The following KRR1 variants were observed in gnomAD, a reference collection of about 807,000 sequenced individuals.
KRR1 encodes KRR1 small subunit processome component, also known as KRR1 small subunit processome component homolog.
KRR1 carries 23 observed loss-of-function variants against 50.0 expected under a neutral mutation model. That is an observed-to-expected ratio of 0.46 (90% CI 0.33 to 0.65). The LOEUF is 0.65. Among genes scored for constraint, KRR1 ranks in the 30% least tolerant of loss-of-function variants. The pLI, the probability that KRR1 is intolerant of heterozygous loss-of-function variation, is 0.02. For missense variants in KRR1, 419 were observed against 442.4 expected (o/e 0.95, Z 0.47); for synonymous variants, 133 against 146.3 (o/e 0.91, Z 0.66).
Position 75,501,984 on chromosome 12 carries a change from G to T in KRR1, c.848C>A (p.Ala283Asp). 1 of 1,611,408 alleles carries T rather than the reference G, an allele frequency of 6.2e-7. No homozygotes were observed. Among genetic ancestry groups the T allele is most frequent in the Non-Finnish European group, 8.5e-7 (1 of 1,178,646 alleles). ...QPESQIDKEL[A>D]SGEYFLKANQ... ...TGCCTTCAAAAAGTATTCACCACTA[G>T]CCAATTCTTTATCGATCTGTTGAAA... The change falls in exon 8 of 10, where the codon GCT becomes GAT. Residue 283 changes from alanine (A) to aspartate (D), a missense_variant. Physicochemically the swap from Ala to Asp is moderately radical, Grantham distance 126. Coordinates refer to ENST00000229214, the MANE Select transcript of KRR1 (RefSeq NM_007043.7).
At chr12:75,501,686 TAATTAATA>T (rs1163775277) in intron 9 of KRR1, 29 bp downstream of exon 9, 4 of 1,350,378 alleles carry the variant, frequency 3.0e-6, no homozygotes, top group Admixed American at 3.8e-5. Flanking sequence ...TTACTTTTCC[TAATTAATA>T]AAGACTTTTA....
At position 75,495,663 on chromosome 12, in the gene KRR1, G is replaced by A; in HGVS notation, c.*4146C>T. On this transcript the variant is annotated 3_prime_UTR_variant, in exon 10 of 10. Transcript: ENST00000229214. ...GACAAGTGTTTGGACAATCTCTGTG[G>A]TGAGTAAAAGGAACAATACACCAAT... The A allele has an allele frequency of 6.4e-7, 1 of 1,566,704 alleles. No homozygotes were observed. The highest frequency in any genetic ancestry group is 8.8e-7 in the Non-Finnish European group (1 of 1,137,196).
chr12:75,505,320 A>C, intron 5 of KRR1, 66 bp from the exon 6 acceptor site: 2 of 1,454,792 alleles, frequency 1.4e-6, no homozygotes, highest in Non-Finnish European at 1.8e-6. Flanking sequence ...AAGAGGATTA[A>C]TACTGCAAAA....
At chr12:75,511,400 CAACT>C (rs1840641206) in intron 1 of KRR1, 109 bp downstream of exon 1, 1 of 930,126 alleles carries the variant, frequency 1.1e-6, no homozygotes, top group Admixed American at 1.9e-5. Flanking sequence ...TTCAGGTACT[CAACT>C]ACACAGTACA....
Position 75,498,634 on chromosome 12 carries a change from A to C in KRR1, c.*1175T>G. 7.4e-7 allele frequency: 1 copy of C among 1,357,020 alleles called. No individual in the cohort carries two copies. Among genetic ancestry groups the C allele is most frequent in the Non-Finnish European group, 1.1e-6 (1 of 949,982 alleles). The allele number at this position is 1,357,020 out of a possible 1,614,324, so 84.1% of individuals were successfully genotyped here. ...ATTATAAGACTTAGCTTTTTAAAAT[A>C]AAACTCTCAACTGTGTCTACCCTTT... is the stretch of plus-strand genomic sequence containing the variant. On this transcript the variant is annotated 3_prime_UTR_variant, in exon 10 of 10. Coordinates refer to ENST00000229214, the MANE Select transcript of KRR1 (RefSeq NM_007043.7).
rs1283224473 is a variant in KRR1 at position 75,493,687 on chromosome 12, C to G, written c.*6122G>C. On this transcript the variant is annotated 3_prime_UTR_variant, in exon 10 of 10. Coordinates refer to ENST00000229214, the MANE Select transcript of KRR1 (RefSeq NM_007043.7). ...TTCCCCTGGGTCCCATAACCCCAACCCTCTTCTCTCTCAGGCTACCAGGGA... is the reference window on the plus strand; with the variant it reads ...TTCCCCTGGGTCCCATAACCCCAACGCTCTTCTCTCTCAGGCTACCAGGGA... 6.6e-6 allele frequency: 1 copy of G among 152,158 alleles called. No individual in the cohort carries two copies. Among genetic ancestry groups the G allele is most frequent in the Non-Finnish European group, 1.5e-5 (1 of 68,068 alleles). The allele number at this position is 152,158 out of a possible 1,614,324, so 9.4% of individuals were successfully genotyped here.
In KRR1 at chr12:75,496,862, A is replaced by C. The variant is rs1008374918; in HGVS notation, c.*2947T>G. ...CATTTAATGTTGAATACTTATCTTT[A>C]CATACAGTCGTACTTTTGCAAAGTT... On this transcript the variant is annotated 3_prime_UTR_variant, in exon 10 of 10. Coordinates refer to ENST00000229214, the MANE Select transcript of KRR1 (RefSeq NM_007043.7). 1.3e-5 allele frequency: 2 copies of C among 152,186 alleles called. No individual in the cohort carries two copies. Among genetic ancestry groups the C allele is most frequent in the Non-Finnish European group, 2.9e-5 (2 of 68,040 alleles). The allele number at this position is 152,186 out of a possible 1,614,324, so 9.4% of individuals were successfully genotyped here.
At position 75,496,274 on chromosome 12, in the gene KRR1, G is replaced by A. The variant is rs1290841909; in HGVS notation, c.*3535C>T. 1 of 152,078 alleles carries A rather than the reference G, an allele frequency of 6.6e-6. No individual in the cohort carries two copies. Among genetic ancestry groups the A allele is most frequent in the African/African-American group, 2.4e-5 (1 of 41,380 alleles). 9.4% of individuals were successfully genotyped at this position (152,078 alleles called of 1,614,324 possible). On this transcript the variant is annotated 3_prime_UTR_variant, in exon 10 of 10. Transcript: ENST00000229214. ...GGAGGCTGAGGCAGGACAATCACTT[G>A]AGCCCAGGAGGTGGAGGTTGCAGTG...
At position 75,498,605 on chromosome 12, in the gene KRR1, C is replaced by A; in HGVS notation, c.*1204G>T. ...AATAAAGCCAAAGCAAGTTAATGGT[C>A]ATAATTATAAGACTTAGCTTTTTAA... On this transcript the variant is annotated 3_prime_UTR_variant, in exon 10 of 10. Coordinates refer to ENST00000229214, the MANE Select transcript of KRR1 (RefSeq NM_007043.7). The A allele has an allele frequency of 1.9e-6, 2 of 1,038,378 alleles. No individual in the cohort carries two copies. Among genetic ancestry groups the A allele is most frequent in the South Asian group, 2.7e-5 (2 of 73,130 alleles). 64.3% of individuals were successfully genotyped at this position (1,038,378 alleles called of 1,614,324 possible). A position where few individuals can be genotyped will look rare whatever the true frequency, so the allele number is the denominator to read the frequency against.
chr12:75,498,486 T>C lies in KRR1; in HGVS notation c.*1323A>G, dbSNP rs922448922. The C allele has an allele frequency of 2.0e-6, 1 of 507,148 alleles. No homozygotes were observed. The highest frequency in any genetic ancestry group is 2.0e-5 in the African/African-American group (1 of 50,484). 31.4% of individuals were successfully genotyped at this position (507,148 alleles called of 1,614,324 possible). A position where few individuals can be genotyped will look rare whatever the true frequency, so the allele number is the denominator to read the frequency against. On this transcript the variant is annotated 3_prime_UTR_variant, in exon 10 of 10. Transcript: ENST00000229214. ...GGTATAGTTTCCTTTTTATAAAAGG[T>C]TTATAAAGTTTATGTAAAAAGTCAA...
intron 7 of KRR1, chr12:75,502,877 CT>C (rs2046404305): frequency 6.6e-6 from 1 of 152,004 alleles, no homozygotes; most frequent in Non-Finnish European, 1.5e-5. Flanking sequence ...CACTTTCCCC[CT>C]AACTACTATC....
chr12:75,501,586 C>T (rs2046394409), intron 9 of KRR1, 137 bp downstream of exon 9: 1 of 627,770 alleles, frequency 1.6e-6, no homozygotes, highest in Admixed American at 2.9e-5. Context: ...CATCCCTTGT[C>T]CTTAGGATTA....
At position 75,493,845 on chromosome 12, in the gene KRR1, G is replaced by A. The variant is rs1447258978; in HGVS notation, c.*5964C>T. ...CAAGATGAATACTACCATTTCCACA[G>A]ACCTCACCGACTGTCTTGGTTTTTA... is the stretch of plus-strand genomic sequence containing the variant. On this transcript the variant is annotated 3_prime_UTR_variant, in exon 10 of 10. Coordinates refer to ENST00000229214, the MANE Select transcript of KRR1 (RefSeq NM_007043.7). 6.6e-6 allele frequency: 1 copy of A among 152,104 alleles called. No individual in the cohort carries two copies. The highest frequency in any genetic ancestry group is 1.5e-5 in the Non-Finnish European group (1 of 68,028). The allele number at this position is 152,104 out of a possible 1,614,324, so 9.4% of individuals were successfully genotyped here.
In KRR1 at chr12:75,499,196, T is replaced by G. The variant is rs1594064339; in HGVS notation, c.*613A>C. On this transcript the variant is annotated 3_prime_UTR_variant, in exon 10 of 10. Transcript: ENST00000229214. ...TATTTGCAGGTTGCCACAGGTGGAC[T>G]TTTAGTAAGTAACCTAACCCATGTT... 2.6e-6 allele frequency: 1 copy of G among 378,972 alleles called. No homozygotes were observed. The highest frequency in any genetic ancestry group is 4.4e-5 in the East Asian group (1 of 22,632). 23.5% of individuals were successfully genotyped at this position (378,972 alleles called of 1,614,324 possible).
chr12:75,505,634 A>G (rs1304942128), intron 5 of KRR1, among the ~76,000 whole-genome samples: 1 of 152,072 alleles, frequency 6.6e-6, no homozygotes, highest in African/African-American at 2.4e-5. Context: ...CTCTTGTAAG[A>G]ATTGTATTCA....
In KRR1 at chr12:75,491,700, A is replaced by C. The variant is rs888787602; in HGVS notation, c.*8109T>G. The C allele has an allele frequency of 6.6e-6, 1 of 152,156 alleles. No individual in the cohort carries two copies. Among genetic ancestry groups the C allele is most frequent in the Non-Finnish European group, 1.5e-5 (1 of 68,032 alleles). 9.4% of individuals were successfully genotyped at this position (152,156 alleles called of 1,614,324 possible). Reference sequence around the variant, plus strand: ...CTTTTGCATCTCTGTGATTACTAGTAATTATAAATTTCTTCACATAATTGT... The same window carrying C: ...CTTTTGCATCTCTGTGATTACTAGTCATTATAAATTTCTTCACATAATTGT... On this transcript the variant is annotated 3_prime_UTR_variant, in exon 10 of 10. Transcript: ENST00000229214.
At position 75,504,000 on chromosome 12, in the gene KRR1, C is replaced by G; in HGVS notation, c.735G>C (p.Gln245His). 5 of 1,612,486 alleles carry G rather than the reference C, an allele frequency of 3.1e-6. No homozygotes were observed. Among genetic ancestry groups the G allele is most frequent in the Non-Finnish European group, 4.2e-6 (5 of 1,178,980 alleles). Residue 245 changes from glutamine to histidine, a missense_variant, in exon 7 of 10, where the codon CAG (glutamine) becomes CAC (histidine). Physicochemically the swap from Gln to His is conservative, Grantham distance 24 (BLOSUM62 0). Coordinates refer to ENST00000229214, the MANE Select transcript of KRR1 (RefSeq NM_007043.7). ...RSQSWERFLP[Q>H]FKHKNVNKRK... The stretch of plus-strand genomic sequence containing the variant: ...GTTTATTCACATTTTTGTGTTTGAA[C>G]TGTGGCAAAAATCTCTCCCAACTTT...
chr12:75,505,114 T>C, intron 6 of KRR1, 84 bp downstream of exon 6: 4 of 1,338,518 alleles, frequency 3.0e-6, no homozygotes, highest in Non-Finnish European at 4.1e-6. Flanking sequence ...TAGAATTTCA[T>C]AAAACATTTA....
At chr12:75,506,193 TA>T in intron 5 of KRR1, 122 bp downstream of exon 5, 1 of 623,384 alleles carries the variant, frequency 1.6e-6, no homozygotes, top group Non-Finnish European at 2.7e-6. Context: ...AAGTATTTAC[TA>T]ATGGGAAATC....
Sources: gnomAD v4.1 joint callset for allele counts (sites outside exome capture counted in the v4.1 genomes callset) on GRCh38, gnomAD v4.1.1 for gene constraint, MANE v1.5 for transcripts, NCBI Gene and HGNC (gene_info 2026-07-23, HGNC 2026-07-21) for gene names.